Variants in CUL2 observed in about 807,000 individuals in gnomAD.
CUL2 encodes the protein cullin 2.
CUL2 carries 22 observed loss-of-function variants against 110.2 expected under a neutral mutation model. That is an observed-to-expected ratio of 0.20 (90% CI 0.14 to 0.28). The LOEUF is 0.28. CUL2 is among the 10% of genes least tolerant of loss of function. The pLI is 1.00. For synonymous variants in CUL2, 279 were observed against 293.2 expected (o/e 0.95, Z 0.49); for missense variants, 631 against 905.5 (o/e 0.70, Z 3.89).
At chr10:35,102,508 G>A (rs2087395630) in intron 1 of CUL2, among the ~76,000 whole-genome samples, 1 of 152,060 alleles carries the variant, frequency 6.6e-6, no homozygotes, top group Admixed American at 6.6e-5. Flanking sequence ...GGAGGCAGAG[G>A]TTACAGTGAG....
intron 17 of CUL2, among the ~76,000 whole-genome samples, chr10:35,024,404 G>A (rs550603116): frequency 6.6e-6 from 1 of 152,244 alleles, no homozygotes; most frequent in Non-Finnish European, 1.5e-5. Flanking sequence ...TATGGCAAAT[G>A]ATTTTCTTGT....
intron 2 of CUL2, among the ~76,000 whole-genome samples, chr10:35,064,474 C>T (rs2086466542): frequency 6.6e-6 from 1 of 152,144 alleles, no homozygotes; most frequent in Admixed American, 6.6e-5. Context: ...ACCACATTAG[C>T]CTATTCTTCA....
intron 9 of CUL2, among the ~76,000 whole-genome samples, chr10:35,037,150 T>C (rs974720814): frequency 6.6e-6 from 1 of 152,260 alleles, no homozygotes; most frequent in Non-Finnish European, 1.5e-5. Context: ...GTTATTTTTT[T>C]ACCTTGTACA....
At chr10:35,020,163 A>AT (rs557944803) in intron 17 of CUL2, among the ~76,000 whole-genome samples, 1 of 145,798 alleles carries the variant, frequency 6.9e-6, no homozygotes. Context: ...TAGAAAACAA[A>AT]TTTAAAAAAA....
chr10:35,059,378 T>C (rs1468789903), intron 4 of CUL2, among the ~76,000 whole-genome samples: 1 of 152,172 alleles, frequency 6.6e-6, no homozygotes, highest in Non-Finnish European at 1.5e-5. Flanking sequence ...ACCACCATGA[T>C]CAGTCAGCAG....
intron 9 of CUL2, among the ~76,000 whole-genome samples, chr10:35,038,625 T>C (rs978504461): frequency 2.9e-4 from 44 of 151,166 alleles, no homozygotes; most frequent in African/African-American, 1.0e-3. Flanking sequence ...CTTTTTATAG[T>C]CTTTGCCTTT....
chr10:35,043,350 T>C (rs2085844473), intron 8 of CUL2, among the ~76,000 whole-genome samples: 1 of 151,466 alleles, frequency 6.6e-6, no homozygotes. Flanking sequence ...ACCACTGATC[T>C]AGTGTAACCT....
intron 1 of CUL2, among the ~76,000 whole-genome samples, chr10:35,125,895 T>C (rs1050412574): frequency 1.1e-4 from 17 of 152,196 alleles, no homozygotes; most frequent in Non-Finnish European, 2.1e-4. Flanking sequence ...AGTGGAACGA[T>C]CTCAGCTCAC....
intron 1 of CUL2, among the ~76,000 whole-genome samples, chr10:35,077,512 TAAAATA>T: frequency 6.6e-6 from 1 of 150,612 alleles, no homozygotes; most frequent in Admixed American, 6.6e-5. Flanking sequence ...ATAATAATAA[TAAAATA>T]AAAAGAAATA....
intron 6 of CUL2, among the ~76,000 whole-genome samples, chr10:35,046,768 T>C (rs982017471): frequency 3.9e-5 from 6 of 152,074 alleles, no homozygotes; most frequent in Non-Finnish European, 8.8e-5. Context: ...GGCGCATGTC[T>C]ATAATCCCAG....
chr10:35,010,266 G>T lies in CUL2; in HGVS notation c.*45C>A. 6.5e-7 allele frequency: 1 copy of T among 1,531,442 alleles called. No individual in the cohort carries two copies. The highest frequency in any genetic ancestry group is 1.3e-5 in the South Asian group (1 of 78,018). The allele number at this position is 1,531,442 out of a possible 1,614,324, so 94.9% of individuals were successfully genotyped here. On this transcript the variant is annotated 3_prime_UTR_variant, in exon 21 of 21. Coordinates refer to ENST00000374749, the MANE Select transcript of CUL2 (RefSeq NM_003591.4). ...TTTTTCCCACAGGAACACACCAAAT[G>T]GTGATGGCAATGATCTTCTCACACC...
chr10:35,093,659 CAAAAAAA>C (rs58582764), upstream of CUL2, among the ~76,000 whole-genome samples: 7 of 87,814 alleles, frequency 8.0e-5, no homozygotes, highest in South Asian at 1.6e-3. Flanking sequence ...GACCTTCTCT[CAAAAAAA>C]AAAAAAAAAA....
At chr10:35,055,802 A>G (rs1452007640) in intron 4 of CUL2, among the ~76,000 whole-genome samples, 1 of 152,182 alleles carries the variant, frequency 6.6e-6, no homozygotes, top group Non-Finnish European at 1.5e-5. Flanking sequence ...GTAACTCTCA[A>G]AATTTCATGC....
intron 19 of CUL2, among the ~76,000 whole-genome samples, chr10:35,012,716 G>A (rs550298431): frequency 4.6e-5 from 7 of 152,300 alleles, no homozygotes; most frequent in Non-Finnish European, 1.0e-4. Flanking sequence ...AAAGTAAATG[G>A]CAGTTAATAT....
intron 2 of CUL2, among the ~76,000 whole-genome samples, chr10:35,068,244 A>G (rs2134971192): frequency 6.6e-6 from 1 of 152,170 alleles, no homozygotes; most frequent in Middle Eastern, 3.4e-3. Flanking sequence ...CAACATGGCA[A>G]AACCCCATTT....
chr10:35,074,133 T>C (rs2086755444), intron 1 of CUL2: 2 of 1,499,538 alleles, frequency 1.3e-6, no homozygotes, highest in Non-Finnish European at 1.8e-6. Flanking sequence ...AACAAAGTTC[T>C]TGACTTCAAG....
intron 1 of CUL2, among the ~76,000 whole-genome samples, chr10:35,101,494 G>A (rs551553880): frequency 2.4e-4 from 36 of 152,272 alleles, no homozygotes; most frequent in South Asian, 1.7e-3. Context: ...CTGTTTTACT[G>A]GAAGCTACAA....
At chr10:35,100,186 C>T (rs2087358047) in intron 2 of CUL2, among the ~76,000 whole-genome samples, 1 of 152,050 alleles carries the variant, frequency 6.6e-6, no homozygotes, top group African/African-American at 2.4e-5. Context: ...AAAAGGTTAG[C>T]AACATCTTGC....
chr10:35,095,645 G>T (rs924917551), intron 2 of CUL2, among the ~76,000 whole-genome samples: 1 of 151,978 alleles, frequency 6.6e-6, no homozygotes. Flanking sequence ...TGCAACCTCC[G>T]CCTCCCCGGT....
Sources: allele counts gnomAD v4.1 joint callset (sites outside exome capture counted in the v4.1 genomes callset), GRCh38; gene constraint gnomAD v4.1.1; transcripts MANE v1.5; gene names NCBI Gene and HGNC (gene_info 2026-07-23, HGNC 2026-07-21).